Variants in CD163L1 observed in about 807,000 individuals in gnomAD.
CD163L1 encodes the protein scavenger receptor cysteine-rich type 1 protein M160.
In CD163L1, 124 loss-of-function variants were observed where a neutral mutation model predicts 165.4. The observed-to-expected ratio is 0.75, with a 90% CI of 0.65 to 0.87. The LOEUF is 0.87. Among genes scored for constraint, CD163L1 ranks in the 40% least tolerant of loss-of-function variants. The probability of loss-of-function intolerance (pLI) is 0.00; values close to 1 mark genes in which losing one functional copy is unlikely to be tolerated. For synonymous variants in CD163L1, 585 were observed against 662.2 expected, an observed-to-expected ratio of 0.88 and a Z score of 1.79; for missense variants, 1,525 against 1,799.9, an observed-to-expected ratio of 0.85 and a Z score of 2.76.
Position 7,347,158 on chromosome 12 carries a change from A to G in CD163L1, c.*25-11T>C, listed in dbSNP as rs1946675867. 6.6e-6 allele frequency: 1 copy of G among 152,210 alleles called. No homozygotes were observed. Among genetic ancestry groups the G allele is most frequent in the African/African-American group, 2.4e-5 (1 of 41,452 alleles). 9.4% of individuals were successfully genotyped at this position (152,210 alleles called of 1,614,324 possible). ...CCACATATCAAGATTCTATTTTTAA[A>G]GAAATTAATTGTAAGTGCAGAAATT... On this transcript the variant is annotated splice_polypyrimidine_tract_variant and intron_variant, in intron 4 of 4. Coordinates refer to the CD163L1 transcript ENST00000539726. The surrounding 1 kb of genome is among the most constrained non-coding windows in gnomAD (Gnocchi z 4.2).
At chr12:7,421,086 C>CAT (rs1948359181) in intron 4 of CD163L1, among the ~76,000 whole-genome samples, 1 of 94,150 alleles carries the variant, frequency 1.1e-5, no homozygotes, top group Non-Finnish European at 1.9e-5. Flanking sequence ...TATATATATA[C>CAT]GTATATATAT....
intron 19 of CD163L1, among the ~76,000 whole-genome samples, chr12:7,356,942 T>G (rs1250334717): frequency 1.3e-5 from 2 of 152,160 alleles, no homozygotes; most frequent in Non-Finnish European, 2.9e-5. Context: ...ATATAAAGCA[T>G]GTATCATCTG....
intron 4 of CD163L1, among the ~76,000 whole-genome samples, chr12:7,421,036 C>T (rs199926597): frequency 2.9e-4 from 18 of 61,656 alleles, no homozygotes; most frequent in Middle Eastern, 9.1e-3. Context: ...TATATATATA[C>T]GTGTATATAT....
In CD163L1 at chr12:7,396,405, T is replaced by C. The variant is rs756545997; in HGVS notation, c.1740A>G (p.Thr580=). Residue 580 remains threonine, a synonymous_variant, in exon 8 of 20, where the codon ACA becomes ACG. Coordinates refer to ENST00000313599, the MANE Select transcript of CD163L1 (RefSeq NM_174941.6). ...TGCCGCCCACCAGCCTCAGGCCCCA[T>C]GTTGCATCACCTGCACCAAGAACAA... is the stretch of plus-strand genomic sequence containing the variant. ...DVIVTCSGDA[T]WGLRLVGGSN... is the part of the protein sequence containing the mutation. 1.2e-6 allele frequency: 2 copies of C among 1,605,706 alleles called. No individual in the cohort carries two copies. The highest frequency in any genetic ancestry group is 1.7e-4 in the Middle Eastern group (1 of 6,036).
Position 7,372,314 on chromosome 12 carries a change from C to G in CD163L1, c.3730+1006G>C, listed in dbSNP as rs7302073. On this transcript the variant is annotated intron_variant, in intron 14 of 19. Coordinates refer to ENST00000313599, the MANE Select transcript of CD163L1 (RefSeq NM_174941.6). This position sits in a 1 kb window ranked among gnomAD's most constrained non-coding sequence, Gnocchi z 4.2. ...GGCTTTCTGCTGGAGCAATTAACTA[C>G]TACATATAAAGAATCATAAAAATGT... Among the ~76,000 whole-genome samples the G allele has an allele frequency of 0.92, 139,765 of 152,056 alleles. 64,316 individuals are homozygous for G. The highest frequency in any genetic ancestry group is 1 in the East Asian group (5,178 of 5,182).
At chr12:7,319,238 T>C in the CD163L1 span, among the ~76,000 whole-genome samples, 1 of 152,078 alleles carries the variant, frequency 6.6e-6, no homozygotes, top group Non-Finnish European at 1.5e-5. Flanking sequence ...TTCAGGCTCC[T>C]ATGAGAATCT....
rs1207820850 is a variant in CD163L1, at chr12:7,372,082, AC to A, written c.3730+1237del. Among the ~76,000 whole-genome samples the A allele has an allele frequency of 3.3e-5, 5 of 152,116 alleles. No individual in the cohort carries two copies. The highest frequency in any genetic ancestry group is 1.2e-4 in the African/African-American group (5 of 41,434). ...AGAAGCAAAATGCTTAAAAATATGA[AC>A]CACAAACAGACAATATTCATAAATA... On this transcript the variant is annotated intron_variant, in intron 14 of 19. Transcript: ENST00000313599. This position sits in a 1 kb window ranked among gnomAD's most constrained non-coding sequence, Gnocchi z 4.2.
Position 7,368,274 on chromosome 12 carries a change from G to T in CD163L1, c.4073-77C>A. On this transcript the variant is annotated intron_variant, in intron 16 of 19. Transcript: ENST00000313599. This position sits in a 1 kb window ranked among gnomAD's most constrained non-coding sequence, Gnocchi z 4.3. ...GGGTTTATACATTGTAAAAAAAACT[G>T]GTTCCCTAGTTGCTGAGAAGAATAA... 1 of 757,430 alleles carries T rather than the reference G, an allele frequency of 1.3e-6. No individual in the cohort carries two copies. Among genetic ancestry groups the T allele is most frequent in the South Asian group, 1.8e-5 (1 of 55,744 alleles). 46.9% of individuals were successfully genotyped at this position (757,430 alleles called of 1,614,324 possible). A position where few individuals can be genotyped will look rare whatever the true frequency, so the allele number is the denominator to read the frequency against.
In CD163L1 at chr12:7,372,405, C is replaced by T. The variant is rs972975068; in HGVS notation, c.3730+915G>A. ...CCTTCAGATATAATCAGAGATTCACCGAAAATGAATAAGGATGCTTATAAT... is the reference window on the plus strand; with the variant it reads ...CCTTCAGATATAATCAGAGATTCACTGAAAATGAATAAGGATGCTTATAAT... On this transcript the variant is annotated intron_variant, in intron 14 of 19. Coordinates refer to ENST00000313599, the MANE Select transcript of CD163L1 (RefSeq NM_174941.6). This position sits in a 1 kb window ranked among gnomAD's most constrained non-coding sequence, Gnocchi z 4.2. Among the ~76,000 whole-genome samples the T allele has an allele frequency of 3.3e-5, 5 of 151,786 alleles. No homozygotes were observed. The highest frequency in any genetic ancestry group is 7.3e-5 in the African/African-American group (3 of 41,342).
At chr12:7,367,679 G>T in intron 17 of CD163L1, 1 of 224,584 alleles carries the variant, frequency 4.5e-6, no homozygotes. Context: ...GTAGTTTCTA[G>T]CCAAAGGCCA....
chr12:7,357,736 A>G (rs868733126), intron 18 of CD163L1: 5 of 262,220 alleles, frequency 1.9e-5, no homozygotes, highest in Admixed American at 9.9e-5. Flanking sequence ...TGCTTCCAGT[A>G]TCTTAAAAGC....
intron 8 of CD163L1, among the ~76,000 whole-genome samples, chr12:7,385,423 A>G (rs1473855516): frequency 6.6e-6 from 1 of 152,026 alleles, no homozygotes; most frequent in Non-Finnish European, 1.5e-5. Context: ...TGGCACTTCA[A>G]CTATTCATCT....
At chr12:7,320,654 T>C in the CD163L1 span, 1 of 1,268,398 alleles carries the variant, frequency 7.9e-7, no homozygotes, top group Non-Finnish European at 1.1e-6. Context: ...AATAACAGGG[T>C]GTAGATATCA....
At chr12:7,402,333 T>C (rs1047497049) in intron 6 of CD163L1, among the ~76,000 whole-genome samples, 4 of 152,164 alleles carry the variant, frequency 2.6e-5, no homozygotes, top group Non-Finnish European at 5.9e-5. Context: ...AGTTGCATTA[T>C]TTATATTTCT....
At position 7,422,690 on chromosome 12, in the gene CD163L1, C is replaced by CAT. The variant is rs961718377; in HGVS notation, c.766+9724_766+9725dup. On this transcript the variant is annotated intron_variant, in intron 4 of 19. Transcript: ENST00000313599. ...ATATCATAACTATCTCATATATATTCATATATATACATGTATATATGTGTA... is the reference window on the plus strand; with the variant it reads ...ATATCATAACTATCTCATATATATTCATATATATATACATGTATATATGTGTA... Among the ~76,000 whole-genome samples the CAT allele has an allele frequency of 6.8e-5, 10 of 147,388 alleles. No homozygotes were observed. In the South Asian group the frequency reaches 1.7e-3, roughly 25 times the overall value.
intron 4 of CD163L1, among the ~76,000 whole-genome samples, chr12:7,348,621 C>A (rs898758821): frequency 2.0e-5 from 3 of 151,952 alleles, no homozygotes; most frequent in African/African-American, 7.3e-5. Context: ...TCAGTTTTTA[C>A]TTTATTAACT....
chr12:7,429,151 T>A (rs893995759), intron 4 of CD163L1, among the ~76,000 whole-genome samples: 23 of 152,040 alleles, frequency 1.5e-4, no homozygotes, highest in Non-Finnish European at 7.4e-5. Context: ...ATCTTCCTCA[T>A]TTCGTCATAA....
At chr12:7,434,779 G>A (rs1948693511) in intron 2 of CD163L1, among the ~76,000 whole-genome samples, 1 of 152,104 alleles carries the variant, frequency 6.6e-6, no homozygotes, top group Admixed American at 6.5e-5. Context: ...TCCCAGTTCT[G>A]AGTTTCAGTA....
At chr12:7,371,399 T>G (rs1054788710) in intron 14 of CD163L1, among the ~76,000 whole-genome samples, 1 of 152,186 alleles carries the variant, frequency 6.6e-6, no homozygotes, top group South Asian at 2.1e-4. Context: ...TTCCATATAC[T>G]ATTAAAGATC....
Sources: gnomAD v4.1 joint callset for allele counts (sites outside exome capture counted in the v4.1 genomes callset) on GRCh38, gnomAD v4.1.1 for gene constraint, Gnocchi (gnomAD v3.1) non-coding constraint, MANE v1.5 for transcripts, NCBI Gene and HGNC (gene_info 2026-07-23, HGNC 2026-07-21) for gene names.